MLLT10: variants seen among roughly 807,000 people sequenced by gnomAD.
The protein encoded by MLLT10 is MLLT10 histone lysine methyltransferase DOT1L cofactor, also known as protein AF-10.
A neutral mutation model predicts 129.1 loss-of-function variants in MLLT10; 30 were observed. The ratio of observed to expected loss-of-function variants is 0.23; its 90% CI spans 0.17 to 0.32. The LOEUF is 0.32. Ranked by LOEUF, MLLT10 falls within the 10% of genes least tolerant of loss-of-function variation. The pLI is 1.00. For synonymous variants in MLLT10, 490 were observed against 446.4 expected (o/e 1.10, Z -1.23); for missense variants, 1,119 against 1,268.3 (o/e 0.88, Z 1.79).
chr10:21,615,760 T>C (rs367945957), intron 7 of MLLT10, among the ~76,000 whole-genome samples: 8 of 152,178 alleles, frequency 5.3e-5, no homozygotes, highest in Non-Finnish European at 8.8e-5. Flanking sequence ...AATACAACTT[T>C]GGGAATTCTT....
chr10:21,569,170 G>C (rs114727277), intron 3 of MLLT10, among the ~76,000 whole-genome samples: 4,268 of 151,852 alleles, frequency 0.028, 201 homozygotes, highest in African/African-American at 0.097. Flanking sequence ...GTAGAGTGTT[G>C]TATAGTTAGT....
intron 9 of MLLT10, among the ~76,000 whole-genome samples, chr10:21,664,514 C>G (rs113464024): frequency 6.6e-6 from 1 of 151,758 alleles, no homozygotes; most frequent in Non-Finnish European, 1.5e-5. Context: ...TCAGGATGGT[C>G]GCGATCTCTT....
chr10:21,587,097 A>G (rs1727223117), intron 4 of MLLT10, among the ~76,000 whole-genome samples: 1 of 151,858 alleles, frequency 6.6e-6, no homozygotes, highest in Non-Finnish European at 1.5e-5. Context: ...TTGCTTGAAT[A>G]TAAAGAAATG....
At chr10:21,722,931 T>TA (rs369538513) in intron 14 of MLLT10, among the ~76,000 whole-genome samples, 2 of 152,184 alleles carry the variant, frequency 1.3e-5, no homozygotes, top group Non-Finnish European at 2.9e-5. Flanking sequence ...TAGATGTTTT[T>TA]ATACACCAAA....
intron 8 of MLLT10, among the ~76,000 whole-genome samples, chr10:21,638,733 C>T (rs1248333838): frequency 6.6e-6 from 1 of 152,062 alleles, no homozygotes; most frequent in Non-Finnish European, 1.5e-5. Flanking sequence ...CCATTGAGGC[C>T]TCTTGGGGAT....
intron 11 of MLLT10, among the ~76,000 whole-genome samples, chr10:21,677,689 A>G (rs1305468543): frequency 1.3e-5 from 2 of 152,238 alleles, no homozygotes; most frequent in African/African-American, 4.8e-5. Flanking sequence ...TTGAATCCCC[A>G]GATGTGGAAT....
intron 10 of MLLT10, 36 bp from the exon 11 acceptor site, chr10:21,673,314 C>A: frequency 3.0e-6 from 2 of 657,216 alleles, no homozygotes; most frequent in Admixed American, 3.6e-5. Flanking sequence ...CCCCCACCCC[C>A]CAACTTTTTT....
At chr10:21,637,451 G>A (rs530539482) in intron 8 of MLLT10, among the ~76,000 whole-genome samples, 6 of 152,330 alleles carry the variant, frequency 3.9e-5, no homozygotes, top group African/African-American at 7.2e-5. Context: ...GGAATCTGGC[G>A]TTGTGAATCT....
intron 13 of MLLT10, among the ~76,000 whole-genome samples, chr10:21,695,923 T>C (rs2054314562): frequency 6.6e-6 from 1 of 151,520 alleles, no homozygotes; most frequent in Admixed American, 6.6e-5. Context: ...CCCTATGATG[T>C]GGTTTTTGGG....
intron 8 of MLLT10, among the ~76,000 whole-genome samples, chr10:21,619,639 G>C (rs994021750): frequency 6.6e-6 from 1 of 152,022 alleles, no homozygotes; most frequent in Non-Finnish European, 1.5e-5. Flanking sequence ...TTTACTTTTC[G>C]CATATATAAG....
chr10:21,615,963 T>C (rs1214384192), intron 7 of MLLT10, among the ~76,000 whole-genome samples: 1 of 152,184 alleles, frequency 6.6e-6, no homozygotes, highest in African/African-American at 2.4e-5. Flanking sequence ...ATTTTTCTTT[T>C]GGTTTCTAAT....
intron 9 of MLLT10, among the ~76,000 whole-genome samples, chr10:21,655,589 G>A (rs1037270510): frequency 6.6e-6 from 1 of 152,220 alleles, no homozygotes; most frequent in East Asian, 1.9e-4. Flanking sequence ...TACAAAAACA[G>A]GTGGATGACT....
At chr10:21,638,219 G>A (rs140585454) in intron 8 of MLLT10, among the ~76,000 whole-genome samples, 143 of 127,012 alleles carry the variant, frequency 1.1e-3, no homozygotes, top group African/African-American at 4.0e-3. Flanking sequence ...GGGCTTTGTG[G>A]ACCGCATTTA....
At chr10:21,565,535 T>C (rs1343332323) in intron 3 of MLLT10, among the ~76,000 whole-genome samples, 1 of 151,990 alleles carries the variant, frequency 6.6e-6, no homozygotes, top group African/African-American at 2.4e-5. Flanking sequence ...TCTCGAGCTG[T>C]TGACCTCGTG....
intron 13 of MLLT10, among the ~76,000 whole-genome samples, chr10:21,704,016 GTT>G (rs60982595): frequency 1.1e-3 from 60 of 56,638 alleles, no homozygotes; most frequent in African/African-American, 3.9e-3. Context: ...ATTGTTTTTT[GTT>G]TTTTTTTTTT....
Position 21,534,815 on chromosome 10 carries a change from A to C in MLLT10, c.160+11A>C. ...TCGCGGTGCATCAAGGTAAACACCC[A>C]ACCGCCCGCCGGGGCGCGCCGGCCT... On this transcript the variant is annotated intron_variant, in intron 2 of 22. Coordinates refer to ENST00000307729, the MANE Select transcript of MLLT10 (RefSeq NM_001195626.3). The C allele has an allele frequency of 4.4e-6, 7 of 1,578,896 alleles. No individual in the cohort carries two copies. The highest frequency in any genetic ancestry group is 6.0e-6 in the Non-Finnish European group (7 of 1,162,608).
intron 8 of MLLT10, among the ~76,000 whole-genome samples, chr10:21,646,268 G>A (rs1448196096): frequency 1.3e-5 from 2 of 152,112 alleles, no homozygotes; most frequent in African/African-American, 4.8e-5. Context: ...TCTTTACGGG[G>A]AAAGCAGTTC....
intron 9 of MLLT10, chr10:21,669,043 T>G: frequency 5.1e-6 from 7 of 1,376,806 alleles, no homozygotes; most frequent in Non-Finnish European, 6.7e-6. Context: ...AAAAGGTTCA[T>G]ATTTCTAAAG....
intron 8 of MLLT10, among the ~76,000 whole-genome samples, chr10:21,647,706 CG>C (rs2048630465): frequency 1.4e-5 from 2 of 143,252 alleles, no homozygotes; most frequent in Admixed American, 1.4e-4. Flanking sequence ...TTGCGGGGGG[CG>C]GGGGGATTGC....
Sources: gnomAD v4.1 joint callset for allele counts (sites outside exome capture counted in the v4.1 genomes callset) on GRCh38, gnomAD v4.1.1 for gene constraint, MANE v1.5 for transcripts, NCBI Gene and HGNC (gene_info 2026-07-23, HGNC 2026-07-21) for gene names.